Variants in ZWILCH observed in about 807,000 individuals in gnomAD.
ZWILCH encodes protein zwilch homolog.
Under a neutral mutation model 79.9 loss-of-function variants are expected in ZWILCH, and 74 were observed. The observed-to-expected ratio is 0.93, with a 90% CI of 0.77 to 1.12. ZWILCH has a LOEUF of 1.12. Ranked by LOEUF, ZWILCH falls within the 50% of genes most tolerant of loss-of-function variation. The pLI is 0.00. For synonymous variants in ZWILCH, 241 were observed against 228.2 expected (o/e 1.06, Z -0.51); for missense variants, 694 against 687.5 (o/e 1.01, Z -0.11).
In ZWILCH at chr15:66,527,371, G is replaced by A; in HGVS notation, c.901G>A (p.Glu301Lys). The A allele has an allele frequency of 6.2e-7, 1 of 1,613,090 alleles. No homozygotes were observed. The highest frequency in any genetic ancestry group is 8.5e-7 in the Non-Finnish European group (1 of 1,179,112). The change falls in exon 9 of 19, where the codon GAA becomes AAA. Residue 301 changes from glutamate to lysine, a missense_variant. By Grantham distance (56) the Glu-to-Lys change is moderately conservative. Coordinates refer to ENST00000307897, the MANE Select transcript of ZWILCH (RefSeq NM_017975.5). ...EAKSAVELVQEFLNDLNKLDG... is the reference protein window; with the variant it reads ...EAKSAVELVQKFLNDLNKLDG... ...AAAATCTGCTGTTGAACTTGTTCAG[G>A]AATTTCTGAATGGTGTATTACTTGT...
chr15:66,522,255 C>T (rs979622359), intron 7 of ZWILCH, among the ~76,000 whole-genome samples: 2 of 150,896 alleles, frequency 1.3e-5, no homozygotes, highest in Non-Finnish European at 2.9e-5. Flanking sequence ...TTCAGTGCAG[C>T]GATATAACTG....
chr15:66,532,131 C>A, intron 12 of ZWILCH, 116 bp from the exon 13 acceptor site: 1 of 735,994 alleles, frequency 1.4e-6, no homozygotes, highest in Non-Finnish European at 2.1e-6. Context: ...TGTTAGGAGA[C>A]TAGGAATGCA....
chr15:66,531,298 C>A (rs912009322), intron 12 of ZWILCH, among the ~76,000 whole-genome samples: 10 of 152,252 alleles, frequency 6.6e-5, no homozygotes, highest in African/African-American at 2.4e-4. Context: ...GGAAAAGATT[C>A]TCCTCTCAGC....
chr15:66,544,201 G>C (rs1423900040), intron 17 of ZWILCH, among the ~76,000 whole-genome samples: 1 of 150,656 alleles, frequency 6.6e-6, no homozygotes, highest in African/African-American at 2.4e-5. Context: ...AGGTTTCAGT[G>C]AGCCGATATC....
intron 4 of ZWILCH, 118 bp downstream of exon 4, chr15:66,515,762 C>G (rs563344779): frequency 1.4e-6 from 1 of 739,006 alleles, no homozygotes; most frequent in Non-Finnish European, 2.4e-6. Flanking sequence ...TCCCCCACCC[C>G]CTGATAAGTA....
At chr15:66,508,666 GCTT>G (rs1048366753) in intron 1 of ZWILCH, 172 bp from the exon 2 acceptor site, 21 of 1,298,372 alleles carry the variant, frequency 1.6e-5, no homozygotes, top group Non-Finnish European at 1.9e-5. Context: ...TTAACCTAAT[GCTT>G]CTTTTCTGCT....
intron 13 of ZWILCH, 68 bp downstream of exon 13, chr15:66,532,471 A>G: frequency 7.0e-7 from 1 of 1,420,362 alleles, no homozygotes; most frequent in Non-Finnish European, 9.5e-7. Context: ...ATATTCTCGG[A>G]TTTTCTGTTT....
At position 66,529,476 on chromosome 15, in the gene ZWILCH, A is replaced by C; in HGVS notation, c.1076-18A>C. On this transcript the variant is annotated intron_variant, in intron 11 of 18. Coordinates refer to ENST00000307897, the MANE Select transcript of ZWILCH (RefSeq NM_017975.5). ...AGAAATACCCTGAAAATAATGTTAC[A>C]CTGACTTGTTTTCCAAGGTGTGATT... 1 of 1,582,628 alleles carries C rather than the reference A, an allele frequency of 6.3e-7. No individual in the cohort carries two copies. Among genetic ancestry groups the C allele is most frequent in the Non-Finnish European group, 8.7e-7 (1 of 1,151,732 alleles).
intron 17 of ZWILCH, among the ~76,000 whole-genome samples, chr15:66,545,452 G>A (rs1895338595): frequency 6.6e-6 from 1 of 152,186 alleles, no homozygotes; most frequent in Non-Finnish European, 1.5e-5. Context: ...TGCTGAATAA[G>A]CAAGTATACT....
intron 16 of ZWILCH, 106 bp from the exon 17 acceptor site, chr15:66,539,992 G>T: frequency 1.5e-6 from 1 of 651,166 alleles, no homozygotes; most frequent in Non-Finnish European, 2.6e-6. Context: ...TTACCTCTTT[G>T]TCCTCAGTGC....
rs1894394749 is a variant in ZWILCH, at chr15:66,519,028, CAACA to C, written c.476_479del (p.Asn159ThrfsTer21). 6.2e-7 allele frequency: 1 copy of C among 1,613,992 alleles called. No individual in the cohort carries two copies. The highest frequency in any genetic ancestry group is 8.5e-7 in the Non-Finnish European group (1 of 1,180,030). On this transcript the variant is annotated frameshift_variant, in exon 5 of 19. Transcript: ENST00000307897. LOFTEE classifies it high-confidence loss of function. ...TGTTGGCTAGGAGCTGAGCTTATCA[CAACA>C]AACAACAGCATTACAGGAATTGTCT...
intron 1 of ZWILCH, chr15:66,505,636 G>A (rs997880801): frequency 3.7e-6 from 2 of 540,624 alleles, no homozygotes; most frequent in Non-Finnish European, 6.4e-6. Flanking sequence ...AGTGTTCCAA[G>A]AGGCGATTTA....
At chr15:66,508,749 T>C in intron 1 of ZWILCH, 92 bp from the exon 2 acceptor site, 1 of 1,574,786 alleles carries the variant, frequency 6.4e-7, no homozygotes, top group Non-Finnish European at 8.6e-7. Flanking sequence ...CCTATAGGTG[T>C]CCTGCAGAGA....
intron 16 of ZWILCH, among the ~76,000 whole-genome samples, chr15:66,537,848 TGAGA>T (rs1895063689): frequency 6.6e-6 from 1 of 152,226 alleles, no homozygotes; most frequent in South Asian, 2.1e-4. Flanking sequence ...GACCATAGTC[TGAGA>T]GAGTTCTCCC....
Position 66,515,587 on chromosome 15 carries a change from C to T in ZWILCH, c.263C>T (p.Ser88Phe). The T allele has an allele frequency of 6.2e-7, 1 of 1,613,536 alleles. No homozygotes were observed. The highest frequency in any genetic ancestry group is 8.5e-7 in the Non-Finnish European group (1 of 1,179,910). ...CTTCAATCTGAAGAAACTGCCATAT[C>T]TGATTTCTCTACTGGCGAAAATGTT... Reference protein sequence around the residue: ...EELQSEETAISDFSTGENVGP... With the variant: ...EELQSEETAIFDFSTGENVGP... The change falls in exon 4 of 19, where the codon TCT becomes TTT. Residue 88 changes from serine to phenylalanine, a missense_variant. Coordinates refer to ENST00000307897, the MANE Select transcript of ZWILCH (RefSeq NM_017975.5).
chr15:66,516,673 CT>C, intron 4 of ZWILCH, among the ~76,000 whole-genome samples: 2 of 152,018 alleles, frequency 1.3e-5, no homozygotes, highest in Non-Finnish European at 2.9e-5. Flanking sequence ...GTCCGGCTAA[CT>C]TTTTGTATTT....
At chr15:66,527,512 A>C in intron 9 of ZWILCH, 129 bp downstream of exon 9, 1 of 736,138 alleles carries the variant, frequency 1.4e-6, no homozygotes, top group East Asian at 2.7e-5. Flanking sequence ...GGTCAGAGGG[A>C]CAGCTTTTGT....
chr15:66,536,019 T>C lies in ZWILCH; in HGVS notation c.1428T>C (p.Ser476=). The C allele has an allele frequency of 6.2e-7, 1 of 1,612,784 alleles. No homozygotes were observed. ...ACCATATTCTAGAAATATTAGTCAG[T>C]TGCATGCCTTTCATTAAATCTCAAC... ...KLHHILEILV[S]CMPFIKSQHE... is the part of the protein sequence containing the mutation. Residue 476 remains serine, a synonymous_variant, in exon 15 of 19, where the codon AGT becomes AGC. Coordinates refer to ENST00000307897, the MANE Select transcript of ZWILCH (RefSeq NM_017975.5).
At chr15:66,536,867 T>C (rs1009272837) in intron 15 of ZWILCH, among the ~76,000 whole-genome samples, 84 of 152,176 alleles carry the variant, frequency 5.5e-4, no homozygotes, top group African/African-American at 2.0e-3. Flanking sequence ...TCTCTTTCTG[T>C]AACCTCTTTC....
Sources: allele counts gnomAD v4.1 joint callset (sites outside exome capture counted in the v4.1 genomes callset), GRCh38; gene constraint gnomAD v4.1.1; transcripts MANE v1.5; gene names NCBI Gene and HGNC (gene_info 2026-07-23, HGNC 2026-07-21).